The following BCL9L variants were observed in gnomAD, a reference collection of about 807,000 sequenced individuals.
BCL9L encodes the protein BCL9 like, also known as B-cell CLL/lymphoma 9-like protein.
Under a neutral mutation model 99.4 loss-of-function variants are expected in BCL9L, and 19 were observed. The ratio of observed to expected loss-of-function variants is 0.19; its 90% CI spans 0.13 to 0.28. BCL9L has a LOEUF of 0.28. BCL9L is among the 10% of genes least tolerant of loss of function. BCL9L has a pLI of 1.00. For missense variants in BCL9L, 2,023 were observed against 2,101.6 expected, an observed-to-expected ratio of 0.96 and a Z score of 0.73; for synonymous variants, 900 against 854.8, an observed-to-expected ratio of 1.05 and a Z score of -0.92.
At chr11:118,920,747 G>A (rs576901860) in intron 1 of BCL9L, among the ~76,000 whole-genome samples, 1 of 152,270 alleles carries the variant, frequency 6.6e-6, no homozygotes, top group Admixed American at 6.5e-5. Context: ...GGGGTAGAGG[G>A]AGAGACCCCA....
At chr11:118,919,592 C>T (rs534325736) in intron 1 of BCL9L, among the ~76,000 whole-genome samples, 5 of 152,136 alleles carry the variant, frequency 3.3e-5, no homozygotes, top group East Asian at 3.9e-4. Context: ...CTGGGAGAGA[C>T]GCCAACTAGA....
chr11:118,899,949 G>T lies in BCL9L; in HGVS notation c.3374C>A (p.Pro1125His), dbSNP rs928084930. 1.4e-5 allele frequency: 23 copies of T among 1,613,460 alleles called. No individual in the cohort carries two copies. The highest frequency in any genetic ancestry group is 1.0e-4 in the Admixed American group (6 of 59,990). The change falls in exon 9 of 10, where the codon CCC (proline) becomes CAC (histidine). Residue 1125 changes from proline (P) to histidine (H), a missense_variant. Around this residue, in one of 3 missense-constraint regions of BCL9L, gnomAD observed 902 missense variants for 888.2 expected, o/e 1.02. Coordinates refer to ENST00000683865, the MANE Select transcript of BCL9L (RefSeq NM_001378213.1). ...GGAGCCCTGCGGTGGTGGTGGGGGG[G>T]GCAGCAGGGGCCGGTCGGGCAGCAG... is the stretch of plus-strand genomic sequence containing the variant. ...DELLPDRPLL[P>H]PPPPPQGSGP...
chr11:118,923,391 A>G (rs1242326144), intron 1 of BCL9L, among the ~76,000 whole-genome samples: 1 of 152,136 alleles, frequency 6.6e-6, no homozygotes, highest in Non-Finnish European at 1.5e-5. Flanking sequence ...CCAGGACTCC[A>G]AAGGCAGGAA....
Position 118,902,868 on chromosome 11 carries a change from C to G in BCL9L, c.875G>C (p.Ser292Thr), listed in dbSNP as rs1267474023. The G allele has an allele frequency of 6.4e-7, 1 of 1,556,872 alleles. No individual in the cohort carries two copies. Among genetic ancestry groups the G allele is most frequent in the Non-Finnish European group, 8.6e-7 (1 of 1,157,308 alleles). ...VPPTPEPLPL[S>T]TPSAGTPQSQ... ...CTGCGGGGTGCCTGCTGACGGCGTGCTCAGGGGTAGCGGTTCTGGGGTGGG... is the reference window on the plus strand; with the variant it reads ...CTGCGGGGTGCCTGCTGACGGCGTGGTCAGGGGTAGCGGTTCTGGGGTGGG... The change falls in exon 8 of 10, where the codon AGC becomes ACC. Residue 292 changes from serine to threonine, a missense_variant. Coordinates refer to ENST00000683865, the MANE Select transcript of BCL9L (RefSeq NM_001378213.1). The surrounding 1 kb of genome is among the most constrained non-coding windows in gnomAD (Gnocchi z 7.8).
At chr11:118,924,461 G>A (rs917756844) in intron 1 of BCL9L, among the ~76,000 whole-genome samples, 1 of 151,954 alleles carries the variant, frequency 6.6e-6, no homozygotes, top group African/African-American at 2.4e-5. Flanking sequence ...GCTCCAGAGA[G>A]ACACCCTCCA....
In BCL9L at chr11:118,902,928, G is replaced by A. The variant is rs1408255747; in HGVS notation, c.835-20C>T. The A allele has an allele frequency of 6.3e-7, 1 of 1,592,144 alleles. No homozygotes were observed. The highest frequency in any genetic ancestry group is 1.1e-5 in the South Asian group (1 of 89,860). The stretch of plus-strand genomic sequence containing the variant: ...AGGGGCCTGCAGAAGGACAAAGAGA[G>A]CATGAGACAGGTAAGGGGACGTTCC... On this transcript the variant is annotated intron_variant, in intron 7 of 9. Coordinates refer to ENST00000683865, the MANE Select transcript of BCL9L (RefSeq NM_001378213.1). The surrounding 1 kb of genome is among the most constrained non-coding windows in gnomAD (Gnocchi z 7.8).
chr11:118,900,188 C>T lies in BCL9L; in HGVS notation c.3135G>A (p.Pro1045=), dbSNP rs756919422. The T allele has an allele frequency of 2.4e-5, 38 of 1,596,016 alleles. No homozygotes were observed. The highest frequency in any genetic ancestry group is 3.0e-5 in the Non-Finnish European group (35 of 1,168,630). Residue 1045 remains proline, a synonymous_variant, in exon 9 of 10, where the codon CCG becomes CCA. Transcript: ENST00000683865. The surrounding 1 kb of genome is among the most constrained non-coding windows in gnomAD (Gnocchi z 5.3). ...AGGAGCTGCTCCGGGGGCCGCTAGGCGGGAGGGTACCTACAGAAACGGGGA... is the reference window on the plus strand; with the variant it reads ...AGGAGCTGCTCCGGGGGCCGCTAGGTGGGAGGGTACCTACAGAAACGGGGA... ...TLSNMEQGTL[P]PSGPRSSSSA...
rs1941148625 is a variant in BCL9L, at chr11:118,921,789, T to C, written c.-130-2910A>G. Among the ~76,000 whole-genome samples, 1 of 152,016 alleles carries C rather than the reference T, an allele frequency of 6.6e-6. No homozygotes were observed. The highest frequency in any genetic ancestry group is 1.5e-5 in the Non-Finnish European group (1 of 67,976). The stretch of plus-strand genomic sequence containing the variant: ...CTGTCTGTGTCCTTTCCCCTACTCC[T>C]GGGCAGTGGTGACCACCTTCTCCCC... On this transcript the variant is annotated intron_variant, in intron 1 of 9. Coordinates refer to ENST00000683865, the MANE Select transcript of BCL9L (RefSeq NM_001378213.1). The surrounding 1 kb of genome is among the most constrained non-coding windows in gnomAD (Gnocchi z 5.4).
At chr11:118,905,263 CTT>C (rs1459224332) in intron 5 of BCL9L, among the ~76,000 whole-genome samples, 2 of 152,138 alleles carry the variant, frequency 1.3e-5, no homozygotes, top group African/African-American at 2.4e-5. Flanking sequence ...AATCCTAACA[CTT>C]TGGGAGGCCG....
intron 2 of BCL9L, among the ~76,000 whole-genome samples, chr11:118,913,167 ACT>A (rs1940860096): frequency 6.6e-6 from 1 of 151,682 alleles, no homozygotes; most frequent in Non-Finnish European, 1.5e-5. Context: ...ACTTCCCCCG[ACT>A]CTGTGCCAAA....
chr11:118,905,575 G>A (rs1591986136), intron 5 of BCL9L, among the ~76,000 whole-genome samples: 1 of 149,180 alleles, frequency 6.7e-6, no homozygotes, highest in Middle Eastern at 3.5e-3. Flanking sequence ...CCAGCACTTT[G>A]GGGGGCTGAG....
At position 118,922,399 on chromosome 11, in the gene BCL9L, C is replaced by T. The variant is rs943592642; in HGVS notation, c.-131+2839G>A. On this transcript the variant is annotated intron_variant, in intron 1 of 9. Coordinates refer to ENST00000683865, the MANE Select transcript of BCL9L (RefSeq NM_001378213.1). This position sits in a 1 kb window ranked among gnomAD's most constrained non-coding sequence, Gnocchi z 6.2. ...GGCTCCTCAGCCCTGGCAGGAGCTC[C>T]CACCAGCCCCATCCCGGCTCCTCTG... Among the ~76,000 whole-genome samples, 3 of 152,230 alleles carry T rather than the reference C, an allele frequency of 2.0e-5. No individual in the cohort carries two copies. Among genetic ancestry groups the T allele is most frequent in the Non-Finnish European group, 2.9e-5 (2 of 68,020 alleles).
At chr11:118,913,338 A>G (rs1450761120) in intron 2 of BCL9L, among the ~76,000 whole-genome samples, 1 of 152,144 alleles carries the variant, frequency 6.6e-6, no homozygotes, top group Non-Finnish European at 1.5e-5. Context: ...ATTGTTGAAC[A>G]GGGTACTGGG....
intron 2 of BCL9L, among the ~76,000 whole-genome samples, chr11:118,915,623 C>A (rs957673296): frequency 2.0e-5 from 3 of 152,130 alleles, no homozygotes; most frequent in Non-Finnish European, 4.4e-5. Flanking sequence ...AGCCTCAGGA[C>A]CATGTCTCAA....
chr11:118,901,049 A>C lies in BCL9L; in HGVS notation c.2694T>G (p.Pro898=). 6.3e-7 allele frequency: 1 copy of C among 1,594,518 alleles called. No homozygotes were observed. The highest frequency in any genetic ancestry group is 8.5e-7 in the Non-Finnish European group (1 of 1,169,868). ...SHMPLPPASN[P]PGTVHSAPNR... ...TTGGGGCTGAATGCACGGTCCCAGG[A>C]GGATTGGACGCAGGGGGCAGAGGCA... Residue 898 remains proline (P), a synonymous_variant, in exon 8 of 10, where the codon CCT becomes CCG. Transcript: ENST00000683865. This position sits in a 1 kb window ranked among gnomAD's most constrained non-coding sequence, Gnocchi z 6.6.
intron 2 of BCL9L, among the ~76,000 whole-genome samples, chr11:118,918,056 G>C (rs180950781): frequency 2.0e-5 from 3 of 152,166 alleles, no homozygotes; most frequent in African/African-American, 7.2e-5. Flanking sequence ...GGTGTCCCTT[G>C]GGGGGTGGCT....
Position 118,908,281 on chromosome 11 carries a change from G to A in BCL9L, c.401C>T (p.Ser134Leu), listed in dbSNP as rs1300515083. The A allele has an allele frequency of 6.4e-7, 1 of 1,551,192 alleles. No homozygotes were observed. Among genetic ancestry groups the A allele is most frequent in the African/African-American group, 1.4e-5 (1 of 73,154 alleles). ...AGGAAATGGGGTACCTTTGGCCTCT[G>A]AATCCAGGGATGGGGTCCCAGCCTC... is the stretch of plus-strand genomic sequence containing the variant. Reference protein sequence around the residue: ...QREAGTPSLDSEAKEVAPRSK... With the variant: ...QREAGTPSLDLEAKEVAPRSK... The change falls in exon 4 of 10, where the codon TCA (serine) becomes TTA (leucine). Residue 134 changes from serine (S) to leucine (L), a missense_variant. Ser to Leu is a moderately radical substitution (Grantham distance 145, BLOSUM62 -2). Coordinates refer to ENST00000683865, the MANE Select transcript of BCL9L (RefSeq NM_001378213.1).
Position 118,900,764 on chromosome 11 carries a change from G to A in BCL9L, c.2979C>T (p.Ser993=). The change falls in exon 8 of 10, where the codon AGC becomes AGT. Residue 993 remains serine (S), a synonymous_variant. Transcript: ENST00000683865. This position sits in a 1 kb window ranked among gnomAD's most constrained non-coding sequence, Gnocchi z 5.3. The part of the protein sequence containing the change: ...LSVRSPTGSP[S]RLKSPSMAVP... ...CCGCCATGGAAGGAGACTTGAGCCT[G>A]CTGGGCGAGCCAGTGGGTGAACGGA... The A allele has an allele frequency of 6.2e-7, 1 of 1,613,750 alleles. No homozygotes were observed. Among genetic ancestry groups the A allele is most frequent in the Non-Finnish European group, 8.5e-7 (1 of 1,179,898 alleles).
At position 118,899,518 on chromosome 11, in the gene BCL9L, A is replaced by C; in HGVS notation, c.3407-10T>G. The C allele has an allele frequency of 6.2e-7, 1 of 1,606,810 alleles. No homozygotes were observed. The highest frequency in any genetic ancestry group is 8.5e-7 in the Non-Finnish European group (1 of 1,178,116). On this transcript the variant is annotated splice_polypyrimidine_tract_variant and intron_variant, in intron 9 of 9. Transcript: ENST00000683865. ...TGGCTGTTGCTGATCCCTGTAGGGA[A>C]TAGAAGACAGGGGGTCAGGCACGGT... is the stretch of plus-strand genomic sequence containing the variant.
Sources: allele counts gnomAD v4.1 joint callset (sites outside exome capture counted in the v4.1 genomes callset), GRCh38; gene constraint gnomAD v4.1.1; regional missense constraint gnomAD v4.1.1; non-coding constraint Gnocchi (gnomAD v3.1); transcripts MANE v1.5; gene names NCBI Gene and HGNC (gene_info 2026-07-23, HGNC 2026-07-21).